The following SNX3 variants were observed in gnomAD, a reference collection of about 807,000 sequenced individuals.
SNX3 encodes sorting nexin-3.
In SNX3, 5 loss-of-function variants were observed where a neutral mutation model predicts 17.7. That is an observed-to-expected ratio of 0.28 (90% CI 0.15 to 0.59). The LOEUF is 0.59. Ranked by LOEUF, SNX3 falls within the 20% of genes least tolerant of loss-of-function variation. The pLI is 0.88. For missense variants in SNX3, 132 were observed against 206.8 expected (o/e 0.64, Z 2.22); for synonymous variants, 91 against 76.5 (o/e 1.19, Z -0.99).
chr6:108,251,555 TATG>T (rs1383630768), intron 1 of SNX3, among the ~76,000 whole-genome samples: 5 of 152,274 alleles, frequency 3.3e-5, no homozygotes, highest in African/African-American at 9.6e-5. Context: ...AGAATGTGAA[TATG>T]ATGTTAGAAG....
At chr6:108,234,902 C>G (rs1039400093) in intron 1 of SNX3, among the ~76,000 whole-genome samples, 4 of 152,082 alleles carry the variant, frequency 2.6e-5, no homozygotes, top group African/African-American at 7.2e-5. Flanking sequence ...CTAAATGAAG[C>G]CTTGATACAG....
chr6:108,231,886 C>G (rs1266910171), intron 1 of SNX3, among the ~76,000 whole-genome samples: 1 of 152,098 alleles, frequency 6.6e-6, no homozygotes, highest in Non-Finnish European at 1.5e-5. Flanking sequence ...TGTGAATATA[C>G]CGATGTATTA....
At chr6:108,229,649 G>A (rs532271432) in intron 1 of SNX3, among the ~76,000 whole-genome samples, 6 of 152,288 alleles carry the variant, frequency 3.9e-5, no homozygotes, top group African/African-American at 1.4e-4. Context: ...GTAAAATGGC[G>A]CGAGTGCAAT....
At chr6:108,215,193 AC>A (rs1250128703) in intron 2 of SNX3, among the ~76,000 whole-genome samples, 1 of 150,804 alleles carries the variant, frequency 6.6e-6, no homozygotes, top group Non-Finnish European at 1.5e-5. Context: ...ACTAAAAAAT[AC>A]AAAAAATGAG....
rs1012231645 is a variant in SNX3 at position 108,260,610 on chromosome 6, G to T, written c.162+150C>A. 22 of 802,120 alleles carry T rather than the reference G, an allele frequency of 2.7e-5. No homozygotes were observed. In the African/African-American group the frequency reaches 3.2e-4, roughly 12 times the overall value. The allele number at this position is 802,120 out of a possible 1,614,324, so 49.7% of individuals were successfully genotyped here. A position where few individuals can be genotyped will look rare whatever the true frequency, so the allele number is the denominator to read the frequency against. ...CCCCACACCAGCCCTACAGGAAGAG[G>T]GGCCCTGGCTCACGACCCCGGCCCG... On this transcript the variant is annotated intron_variant, in intron 1 of 3. Coordinates refer to ENST00000230085, the MANE Select transcript of SNX3 (RefSeq NM_003795.6).
chr6:108,215,773 T>TA (rs1351436163), intron 2 of SNX3, among the ~76,000 whole-genome samples: 1 of 151,322 alleles, frequency 6.6e-6, no homozygotes, highest in Admixed American at 6.6e-5. Context: ...TCTACAAAAA[T>TA]AAAAAAAACT....
At chr6:108,246,995 T>C (rs539906065) in intron 1 of SNX3, among the ~76,000 whole-genome samples, 1 of 152,288 alleles carries the variant, frequency 6.6e-6, no homozygotes, top group South Asian at 2.1e-4. Flanking sequence ...TATGTCCCTA[T>C]CCAAATCTCA....
chr6:108,240,969 T>C (rs1339320689), intron 1 of SNX3, among the ~76,000 whole-genome samples: 1 of 151,534 alleles, frequency 6.6e-6, no homozygotes, highest in Non-Finnish European at 1.5e-5. Context: ...GGTGAAACCC[T>C]GTCTCTACTA....
intron 1 of SNX3, among the ~76,000 whole-genome samples, chr6:108,237,967 C>T (rs753583271): frequency 3.3e-5 from 5 of 151,016 alleles, no homozygotes; most frequent in Admixed American, 1.3e-4. Flanking sequence ...CATGGTGGCA[C>T]GCGCCTGTAG....
At chr6:108,231,109 GTTTT>G (rs35263877) in intron 1 of SNX3, among the ~76,000 whole-genome samples, 1 of 143,108 alleles carries the variant, frequency 7.0e-6, no homozygotes, top group African/African-American at 2.5e-5. Flanking sequence ...CTCTGGTGGT[GTTTT>G]TTTTTTTTTT....
chr6:108,223,124 CA>C, intron 1 of SNX3, 79 bp from the exon 2 acceptor site: 1 of 703,032 alleles, frequency 1.4e-6, no homozygotes, highest in South Asian at 1.7e-5. Context: ...TATGGCAAAA[CA>C]AAAGAAATCA....
At chr6:108,258,800 C>T (rs1020695293) in intron 1 of SNX3, among the ~76,000 whole-genome samples, 5 of 151,860 alleles carry the variant, frequency 3.3e-5, no homozygotes, top group East Asian at 1.9e-4. Flanking sequence ...TGAGCCACTG[C>T]GCCAGGCCCA....
chr6:108,233,536 C>T (rs990460236), intron 1 of SNX3, among the ~76,000 whole-genome samples: 1 of 152,062 alleles, frequency 6.6e-6, no homozygotes, highest in Non-Finnish European at 1.5e-5. Flanking sequence ...GAACTGCTGC[C>T]CTAGGAGTTC....
At chr6:108,249,199 A>C (rs571872568) in intron 1 of SNX3, among the ~76,000 whole-genome samples, 1 of 152,120 alleles carries the variant, frequency 6.6e-6, no homozygotes, top group Admixed American at 6.6e-5. Flanking sequence ...GTCTCTTAAA[A>C]CACATACACA....
intron 1 of SNX3, among the ~76,000 whole-genome samples, chr6:108,260,394 C>A (rs58270995): frequency 6.6e-6 from 1 of 152,230 alleles, no homozygotes; most frequent in East Asian, 1.9e-4. Context: ...TTTAACTTTG[C>A]GCAAGCCCCT....
At chr6:108,223,251 G>A (rs903217151) in intron 1 of SNX3, among the ~76,000 whole-genome samples, 10 of 152,016 alleles carry the variant, frequency 6.6e-5, no homozygotes, top group Non-Finnish European at 1.0e-4. Flanking sequence ...TGATTTTTCC[G>A]CCTCAGCCTC....
intron 1 of SNX3, among the ~76,000 whole-genome samples, chr6:108,230,608 T>C (rs76903142): frequency 0.026 from 3,944 of 152,268 alleles, 122 homozygotes; most frequent in South Asian, 0.088. Context: ...TGAGTTTGAG[T>C]AACCCTGGAC....
intron 1 of SNX3, among the ~76,000 whole-genome samples, chr6:108,260,142 G>A (rs1252426971): frequency 6.6e-6 from 1 of 152,230 alleles, no homozygotes; most frequent in African/African-American, 2.4e-5. Context: ...TGAGGTAGGT[G>A]ACACCACACC....
chr6:108,215,398 G>C (rs941224277), intron 2 of SNX3, among the ~76,000 whole-genome samples: 10 of 151,454 alleles, frequency 6.6e-5, no homozygotes, highest in Admixed American at 5.3e-4. Flanking sequence ...CTTACCATCT[G>C]CATACAGTCT....
Sources: allele counts gnomAD v4.1 joint callset (sites outside exome capture counted in the v4.1 genomes callset), GRCh38; gene constraint gnomAD v4.1.1; transcripts MANE v1.5; gene names NCBI Gene and HGNC (gene_info 2026-07-23, HGNC 2026-07-21).